The following DMXL2 variants were observed in gnomAD, a reference collection of about 807,000 sequenced individuals.
The protein encoded by DMXL2 is Dmx like 2, also known as dmX-like protein 2.
DMXL2 carries 103 observed loss-of-function variants against 331.1 expected under a neutral mutation model. The observed-to-expected ratio is 0.31, with a 90% CI of 0.27 to 0.37. The LOEUF (loss-of-function observed/expected upper bound fraction) is 0.37, where lower values mean the gene tolerates loss of function less well. Ranked by LOEUF, DMXL2 falls within the 10% of genes least tolerant of loss-of-function variation. The probability of loss-of-function intolerance (pLI) is 1.00; values close to 1 mark genes in which losing one functional copy is unlikely to be tolerated. For missense variants in DMXL2, 3,171 were observed against 3,642.9 expected, an observed-to-expected ratio of 0.87 and a Z score of 3.33; for synonymous variants, 1,281 against 1,252.1, an observed-to-expected ratio of 1.02 and a Z score of -0.49.
chr15:51,511,470 C>T (rs970111917), intron 15 of DMXL2, among the ~76,000 whole-genome samples: 5 of 152,290 alleles, frequency 3.3e-5, no homozygotes, highest in African/African-American at 1.2e-4. Context: ...TAGAGAAACG[C>T]AAATCAAAAC....
chr15:51,592,182 G>A (rs1044570627), intron 1 of DMXL2, among the ~76,000 whole-genome samples: 14 of 152,036 alleles, frequency 9.2e-5, no homozygotes, highest in East Asian at 3.9e-4. Context: ...AAAAATAGAC[G>A]AATGGCTAAC....
chr15:51,601,653 C>G (rs2053237697), intron 1 of DMXL2, among the ~76,000 whole-genome samples: 1 of 152,194 alleles, frequency 6.6e-6, no homozygotes, highest in African/African-American at 2.4e-5. Context: ...ATCTTAATGA[C>G]TACAACTTTT....
intron 23 of DMXL2, among the ~76,000 whole-genome samples, chr15:51,484,727 T>C (rs1209541050): frequency 6.6e-6 from 1 of 152,026 alleles, no homozygotes; most frequent in Admixed American, 6.5e-5. Flanking sequence ...CAGACCTTAG[T>C]CACAAGGAAA....
intron 16 of DMXL2, among the ~76,000 whole-genome samples, chr15:51,506,922 A>G (rs1307287393): frequency 1.3e-5 from 2 of 152,302 alleles, no homozygotes; most frequent in East Asian, 3.8e-4. Flanking sequence ...TTTTTTTTCA[A>G]TATGTCTAAT....
intron 1 of DMXL2, among the ~76,000 whole-genome samples, chr15:51,605,019 G>C (rs1229400961): frequency 6.7e-6 from 1 of 148,302 alleles, no homozygotes; most frequent in African/African-American, 2.5e-5. Flanking sequence ...AATGGTGTTG[G>C]AACAACTGGA....
Position 51,535,748 on chromosome 15 carries a change from G to A in DMXL2, c.2351C>T (p.Ala784Val). Residue 784 changes from alanine to valine, a missense_variant, in exon 13 of 44, where the codon GCT becomes GTT. Coordinates refer to ENST00000560891, the MANE Select transcript of DMXL2 (RefSeq NM_001378457.1). Reference protein sequence around the residue: ...YCNSASACFVASDGKNLRLYQ... With the variant: ...YCNSASACFVVSDGKNLRLYQ... The stretch of plus-strand genomic sequence containing the variant: ...GAGTCTCAGATTTTTGCCATCAGAA[G>A]CAACAAAGCAAGCACTTGCAGAATT... The A allele has an allele frequency of 6.2e-7, 1 of 1,609,540 alleles. No homozygotes were observed. The highest frequency in any genetic ancestry group is 8.5e-7 in the Non-Finnish European group (1 of 1,177,772).
intron 8 of DMXL2, 135 bp downstream of exon 8, chr15:51,545,448 G>C: frequency 1.5e-6 from 1 of 674,374 alleles, no homozygotes; most frequent in Non-Finnish European, 2.4e-6. Flanking sequence ...AGTCTTACAA[G>C]CATAAATGAG....
At chr15:51,601,155 G>C (rs1222859300) in intron 1 of DMXL2, among the ~76,000 whole-genome samples, 1 of 151,948 alleles carries the variant, frequency 6.6e-6, no homozygotes, top group Non-Finnish European at 1.5e-5. Context: ...GCCGGGCGTG[G>C]TGGCAGGCGC....
intron 38 of DMXL2, 31 bp downstream of exon 38, chr15:51,456,278 C>CACTT (rs2039616648): frequency 1.3e-6 from 2 of 1,595,562 alleles, no homozygotes; most frequent in South Asian, 1.1e-5. Flanking sequence ...CAAATGAGGA[C>CACTT]ACTTACAATT....
chr15:51,451,737 ATTGT>A (rs2039159421), intron 41 of DMXL2, 40 bp from the exon 42 acceptor site: 1 of 1,547,136 alleles, frequency 6.5e-7, no homozygotes, highest in Non-Finnish European at 8.9e-7. Context: ...ATCATAAATG[ATTGT>A]TATAAGTCGT....
At chr15:51,521,495 T>C (rs1249324509) in intron 13 of DMXL2, among the ~76,000 whole-genome samples, 1 of 146,332 alleles carries the variant, frequency 6.8e-6, no homozygotes, top group Non-Finnish European at 1.5e-5. Flanking sequence ...AGTAGCAGCA[T>C]TTTTTTCAGG....
intron 13 of DMXL2, among the ~76,000 whole-genome samples, chr15:51,529,514 C>G (rs903870353): frequency 2.6e-5 from 4 of 152,008 alleles, no homozygotes; most frequent in African/African-American, 4.8e-5. Context: ...AAGAAATGGA[C>G]AAATTCTTAG....
intron 13 of DMXL2, among the ~76,000 whole-genome samples, chr15:51,527,695 C>G (rs1353688656): frequency 2.7e-5 from 4 of 150,808 alleles, no homozygotes; most frequent in African/African-American, 7.3e-5. Context: ...GCACTCCACC[C>G]TGGGTGAAAG....
intron 1 of DMXL2, among the ~76,000 whole-genome samples, chr15:51,601,520 G>A (rs545800286): frequency 4.6e-5 from 7 of 152,208 alleles, no homozygotes; most frequent in African/African-American, 1.4e-4. Context: ...ACCACTGATT[G>A]AAAAGATCAA....
At chr15:51,532,382 A>G (rs897437091) in intron 13 of DMXL2, among the ~76,000 whole-genome samples, 2 of 152,124 alleles carry the variant, frequency 1.3e-5, no homozygotes, top group African/African-American at 4.8e-5. Flanking sequence ...AGAGGCTAGG[A>G]GGGGTCGTAA....
At chr15:51,620,862 C>A (rs994936764) in intron 1 of DMXL2, among the ~76,000 whole-genome samples, 2 of 152,204 alleles carry the variant, frequency 1.3e-5, no homozygotes, top group East Asian at 1.9e-4. Flanking sequence ...ACAGTTCTTA[C>A]ACAGGCTTTT....
Position 51,448,577 on chromosome 15 carries a change from C to T in DMXL2, c.*407G>A. 1 of 236,942 alleles carries T rather than the reference C, an allele frequency of 4.2e-6. No individual in the cohort carries two copies. Among genetic ancestry groups the T allele is most frequent in the Non-Finnish European group, 8.4e-6 (1 of 118,888 alleles). 14.7% of individuals were successfully genotyped at this position (236,942 alleles called of 1,614,324 possible). A position where few individuals can be genotyped will look rare whatever the true frequency, so the allele number is the denominator to read the frequency against. ...AAACACCTTATGATTATCCTTCATT[C>T]AACAGAGGAGGAGACTGCAGGCATG... On this transcript the variant is annotated 3_prime_UTR_variant, in exon 44 of 44. Coordinates refer to ENST00000560891, the MANE Select transcript of DMXL2 (RefSeq NM_001378457.1).
At chr15:51,451,529 T>A in intron 42 of DMXL2, 116 bp downstream of exon 42, 1 of 796,546 alleles carries the variant, frequency 1.3e-6, no homozygotes, top group Admixed American at 2.9e-5. Context: ...TATTTCTCCA[T>A]TTTCAACCTG....
chr15:51,563,034 G>A (rs1421603899), intron 6 of DMXL2, among the ~76,000 whole-genome samples: 8 of 152,122 alleles, frequency 5.3e-5, no homozygotes, highest in African/African-American at 1.9e-4. Context: ...AGGAATTAGC[G>A]TTGGAATAAT....
Sources: gnomAD v4.1 joint callset for allele counts (sites outside exome capture counted in the v4.1 genomes callset) on GRCh38, gnomAD v4.1.1 for gene constraint, MANE v1.5 for transcripts, NCBI Gene and HGNC (gene_info 2026-07-23, HGNC 2026-07-21) for gene names.